PRSS12: variants seen among roughly 807,000 people sequenced by gnomAD.
PRSS12 encodes the protein neurotrypsin.
A neutral mutation model predicts 104.4 loss-of-function variants in PRSS12; 85 were observed. The observed-to-expected ratio is 0.81, with a 90% CI of 0.68 to 0.98. PRSS12 has a LOEUF of 0.98. Among genes scored for constraint, PRSS12 ranks in the 50% least tolerant of loss-of-function variants. PRSS12 has a pLI of 0.00. For missense variants in PRSS12, 1,141 were observed against 1,139.2 expected (o/e 1.00, Z -0.02); for synonymous variants, 454 against 425.2 (o/e 1.07, Z -0.83).
intron 8 of PRSS12, chr4:118,303,317 A>C (rs1743447423): frequency 6.6e-6 from 1 of 152,166 alleles, no homozygotes; most frequent in Non-Finnish European, 1.5e-5. Flanking sequence ...GTAGAAGTAG[A>C]CATACAGAAA....
Position 118,281,638 on chromosome 4 carries a change from T to C in PRSS12, c.*298A>G. The C allele has an allele frequency of 2.4e-6, 1 of 421,090 alleles. No homozygotes were observed. The highest frequency in any genetic ancestry group is 4.4e-6 in the Non-Finnish European group (1 of 226,770). 26.1% of individuals were successfully genotyped at this position (421,090 alleles called of 1,614,324 possible). On this transcript the variant is annotated 3_prime_UTR_variant, in exon 13 of 13. Transcript: ENST00000296498. ...CAGTTCAAATGTAAAAATGATCTTT[T>C]GTAAAATCAGCATAGAATGATTTTG...
chr4:118,297,701 G>C lies in PRSS12; in HGVS notation c.1837+1032C>G, dbSNP rs150155313. On this transcript the variant is annotated intron_variant, in intron 9 of 12. Transcript: ENST00000296498. ...AGAAAAAGAGAATCCTCAAAATACA[G>C]GTGCACCTGATTTTAACAAAATCCA... Among the ~76,000 whole-genome samples, 157 of 152,116 alleles carry C rather than the reference G, an allele frequency of 1.0e-3. 1 individual carries two copies. The highest frequency in any genetic ancestry group is 6.8e-3 in the Middle Eastern group (2 of 292).
At chr4:118,310,062 T>C (rs996638855) in intron 7 of PRSS12, among the ~76,000 whole-genome samples, 2 of 152,214 alleles carry the variant, frequency 1.3e-5, no homozygotes, top group African/African-American at 2.4e-5. Flanking sequence ...CACTGCTTAC[T>C]ATCAGCTGGA....
At chr4:118,283,924 A>G (rs1419502669) in intron 11 of PRSS12, among the ~76,000 whole-genome samples, 6 of 152,128 alleles carry the variant, frequency 3.9e-5, no homozygotes, top group Non-Finnish European at 2.9e-5. Context: ...GTGTTGTGCC[A>G]TTAATTAGGA....
At position 118,281,189 on chromosome 4, in the gene PRSS12, T is replaced by C. The variant is rs1007249939; in HGVS notation, c.*747A>G. 1 of 152,404 alleles carries C rather than the reference T, an allele frequency of 6.6e-6. No individual in the cohort carries two copies. The allele number at this position is 152,404 out of a possible 1,614,324, so 9.4% of individuals were successfully genotyped here. A position where few individuals can be genotyped will look rare whatever the true frequency, so the allele number is the denominator to read the frequency against. On this transcript the variant is annotated 3_prime_UTR_variant, in exon 13 of 13. Transcript: ENST00000296498. ...AGCAAATATAGTAGATATGTTAATGTGTTGGATAAAATAGGTTGTATGTCC... is the reference window on the plus strand; with the variant it reads ...AGCAAATATAGTAGATATGTTAATGCGTTGGATAAAATAGGTTGTATGTCC...
chr4:118,306,809 T>A (rs2126031704), intron 8 of PRSS12, among the ~76,000 whole-genome samples: 1 of 152,200 alleles, frequency 6.6e-6, no homozygotes, highest in African/African-American at 2.4e-5. Flanking sequence ...ACTACATGTG[T>A]GTTGATGATG....
At chr4:118,343,352 G>A (rs1191092759) in intron 1 of PRSS12, among the ~76,000 whole-genome samples, 1 of 152,106 alleles carries the variant, frequency 6.6e-6, no homozygotes, top group Non-Finnish European at 1.5e-5. Context: ...CTATAATTGT[G>A]CTACTGCATT....
chr4:118,351,281 G>A (rs1724496358), intron 1 of PRSS12, among the ~76,000 whole-genome samples: 1 of 151,844 alleles, frequency 6.6e-6, no homozygotes, highest in South Asian at 2.1e-4. Context: ...ATGGAAAGCT[G>A]CCAAAAATAT....
intron 11 of PRSS12, among the ~76,000 whole-genome samples, chr4:118,285,864 A>T (rs1353574430): frequency 1.3e-5 from 2 of 151,804 alleles, no homozygotes; most frequent in African/African-American, 4.8e-5. Context: ...GTCTTATTGC[A>T]ACAGTATTTT....
At chr4:118,344,415 T>C (rs1367604327) in intron 1 of PRSS12, among the ~76,000 whole-genome samples, 1 of 148,742 alleles carries the variant, frequency 6.7e-6, no homozygotes, top group East Asian at 1.9e-4. Flanking sequence ...CACTATATTC[T>C]ACAGTACTAA....
intron 1 of PRSS12, among the ~76,000 whole-genome samples, chr4:118,346,765 T>C (rs1724366316): frequency 1.3e-5 from 2 of 152,158 alleles, no homozygotes; most frequent in South Asian, 4.1e-4. Flanking sequence ...GCAGCAGCAT[T>C]AGATTCTCCT....
intron 1 of PRSS12, among the ~76,000 whole-genome samples, chr4:118,349,995 C>T (rs1186995165): frequency 1.1e-4 from 17 of 151,732 alleles, no homozygotes; most frequent in Admixed American, 5.3e-4. Context: ...AGACGAAGAC[C>T]CTTGTCAAAA....
At chr4:118,302,790 T>C (rs568831751) in intron 8 of PRSS12, among the ~76,000 whole-genome samples, 5 of 131,612 alleles carry the variant, frequency 3.8e-5, no homozygotes, top group African/African-American at 1.1e-4. Flanking sequence ...ATTTCTTTTC[T>C]GTTCTCTATG....
chr4:118,305,120 TACAC>T (rs1251673991), intron 8 of PRSS12, among the ~76,000 whole-genome samples: 2 of 141,338 alleles, frequency 1.4e-5, no homozygotes, highest in African/African-American at 5.2e-5. Flanking sequence ...TATATATATA[TACAC>T]ACACACACAC....
chr4:118,350,915 A>G (rs1724482589), intron 1 of PRSS12, among the ~76,000 whole-genome samples: 1 of 152,254 alleles, frequency 6.6e-6, no homozygotes, highest in African/African-American at 2.4e-5. Flanking sequence ...AGATGAAAAA[A>G]GTCAATGTTT....
intron 8 of PRSS12, chr4:118,305,929 A>T (rs1743538224): frequency 6.6e-6 from 1 of 152,144 alleles, no homozygotes; most frequent in Admixed American, 6.5e-5. Flanking sequence ...CTGTATATAT[A>T]TATACACATA....
At chr4:118,328,611 T>G (rs1285413247) in intron 4 of PRSS12, among the ~76,000 whole-genome samples, 8 of 152,138 alleles carry the variant, frequency 5.3e-5, no homozygotes, top group Non-Finnish European at 1.2e-4. Flanking sequence ...GAACTCTACA[T>G]TACAGCATGA....
intron 8 of PRSS12, among the ~76,000 whole-genome samples, chr4:118,301,617 C>G (rs1359529964): frequency 6.6e-6 from 1 of 152,082 alleles, no homozygotes; most frequent in African/African-American, 2.4e-5. Context: ...TGCGGTACAT[C>G]TCTTCATTGA....
chr4:118,282,123 T>C lies in PRSS12; in HGVS notation c.2441A>G (p.Glu814Gly). Residue 814 changes from glutamate to glycine, a missense_variant, in exon 13 of 13, where the codon GAA (glutamate) becomes GGA (glycine). Coordinates refer to ENST00000296498, the MANE Select transcript of PRSS12 (RefSeq NM_003619.4). ...CTGGCAGCTGTCCACGCGTTTGTGT[T>C]CATGGAGGTTTCCAGCACAAAGCAT... is the stretch of plus-strand genomic sequence containing the variant. ...GRMLCAGNLH[E>G]HKRVDSCQGD... 10 of 1,614,216 alleles carry C rather than the reference T, an allele frequency of 6.2e-6. No individual in the cohort carries two copies. The highest frequency in any genetic ancestry group is 8.5e-6 in the Non-Finnish European group (10 of 1,180,038).
Sources: allele counts gnomAD v4.1 joint callset (sites outside exome capture counted in the v4.1 genomes callset), GRCh38; gene constraint gnomAD v4.1.1; transcripts MANE v1.5; gene names NCBI Gene and HGNC (gene_info 2026-07-23, HGNC 2026-07-21).